The following GRM8 variants were observed in gnomAD, a reference collection of about 807,000 sequenced individuals.
GRM8 encodes the protein metabotropic glutamate receptor 8.
In GRM8, 47 loss-of-function variants were observed where a neutral mutation model predicts 87.2. The ratio of observed to expected loss-of-function variants is 0.54; its 90% confidence interval spans 0.43 to 0.69. The LOEUF (loss-of-function observed/expected upper bound fraction) is 0.69. Among genes scored for constraint, GRM8 ranks in the 30% least tolerant of loss-of-function variants. GRM8 has a pLI of 0.00. For synonymous variants in GRM8, 396 were observed against 404.5 expected, an observed-to-expected ratio of 0.98 and a Z score of 0.25; for missense variants, 1,019 against 1,139.2, an observed-to-expected ratio of 0.89 and a Z score of 1.52.
intron 7 of GRM8, among the ~76,000 whole-genome samples, chr7:126,620,526 T>C (rs1004811611): frequency 3.9e-5 from 6 of 152,096 alleles, no homozygotes; most frequent in South Asian, 2.1e-4. Flanking sequence ...TTTTCAAATG[T>C]TGGCTCTTTT....
chr7:126,769,853 G>T lies in GRM8; in HGVS notation c.1357+12C>A. ...TTTTAATGTATTTAGACACACACACGTTGTAACTTACCATTAAAATTTACA... is the reference window on the plus strand; with the variant it reads ...TTTTAATGTATTTAGACACACACACTTTGTAACTTACCATTAAAATTTACA... On this transcript the variant is annotated intron_variant, in intron 7 of 10. Transcript: ENST00000339582. The T allele has an allele frequency of 2.0e-6, 3 of 1,475,434 alleles. No homozygotes were observed. The highest frequency in any genetic ancestry group is 2.8e-6 in the Non-Finnish European group (3 of 1,064,376). The allele number at this position is 1,475,434 out of a possible 1,614,324, so 91.4% of individuals were successfully genotyped here.
At chr7:127,171,696 A>G (rs2116326300) in intron 2 of GRM8, among the ~76,000 whole-genome samples, 1 of 152,366 alleles carries the variant, frequency 6.6e-6, no homozygotes, top group South Asian at 2.1e-4. Flanking sequence ...TAGTGTAAAC[A>G]TAACTTTTAT....
intron 6 of GRM8, among the ~76,000 whole-genome samples, chr7:126,838,793 C>A (rs1563236693): frequency 6.6e-6 from 1 of 152,134 alleles, no homozygotes; most frequent in Non-Finnish European, 1.5e-5. Context: ...AATGTTAACT[C>A]ACGGCTCACA....
intron 7 of GRM8, among the ~76,000 whole-genome samples, chr7:126,753,179 G>A (rs1816617791): frequency 6.6e-6 from 1 of 151,922 alleles, no homozygotes; most frequent in Non-Finnish European, 1.5e-5. Context: ...TTGACTATCT[G>A]TGAGTCTTAA....
Position 126,902,698 on chromosome 7 carries a change from G to C in GRM8, c.1019-19C>G, listed in dbSNP as rs1329052776. ...TCAAATCCTATTTCAAAGGAGAAAG[G>C]TATGATTTTAATATTCTTTCAAAAT... On this transcript the variant is annotated intron_variant, in intron 5 of 10. Coordinates refer to ENST00000339582, the MANE Select transcript of GRM8 (RefSeq NM_000845.3). 6.5e-7 allele frequency: 1 copy of C among 1,529,970 alleles called. No individual in the cohort carries two copies. Among genetic ancestry groups the C allele is most frequent in the Non-Finnish European group, 8.9e-7 (1 of 1,125,534 alleles). 94.8% of individuals were successfully genotyped at this position (1,529,970 alleles called of 1,614,324 possible).
chr7:126,741,444 G>A (rs1814978149), intron 7 of GRM8, among the ~76,000 whole-genome samples: 1 of 152,132 alleles, frequency 6.6e-6, no homozygotes, highest in Admixed American at 6.6e-5. Context: ...ATTCAGAGAT[G>A]CACATGATAT....
At chr7:127,190,319 A>C (rs1230057712) in intron 2 of GRM8, among the ~76,000 whole-genome samples, 1 of 152,066 alleles carries the variant, frequency 6.6e-6, no homozygotes, top group Non-Finnish European at 1.5e-5. Context: ...GAGAATTGTT[A>C]ATATGTCCTG....
At chr7:126,720,315 A>T (rs972116325) in intron 7 of GRM8, among the ~76,000 whole-genome samples, 3 of 151,780 alleles carry the variant, frequency 2.0e-5, no homozygotes, top group East Asian at 1.9e-4. Context: ...ATAATTTTTT[A>T]AATTTTTTTT....
rs199524891 is a variant in GRM8 at position 126,902,638 on chromosome 7, G to T, written c.1060C>A (p.Arg354=). The T allele has an allele frequency of 1.2e-6, 2 of 1,609,070 alleles. No homozygotes were observed. Among genetic ancestry groups the T allele is most frequent in the African/African-American group, 1.3e-5 (1 of 74,890 alleles). The change falls in exon 6 of 11, where the codon CGA becomes AGA. Residue 354 remains arginine (R), a synonymous_variant. Coordinates refer to ENST00000339582, the MANE Select transcript of GRM8 (RefSeq NM_000845.3). ...YFRSRTLANN[R]RNVWFAEFWE... is the part of the protein sequence containing the mutation. ...AATTCTGCAAACCACACATTTCTTC[G>T]ATTATTGGCAAGAGTTCGGCTTCTA...
At chr7:126,881,573 T>G (rs1800023963) in intron 6 of GRM8, among the ~76,000 whole-genome samples, 2 of 152,140 alleles carry the variant, frequency 1.3e-5, no homozygotes. Context: ...GGAATAGTGT[T>G]GAGTGCATGG....
intron 1 of GRM8, among the ~76,000 whole-genome samples, 191 bp from the exon 2 acceptor site, chr7:127,243,706 G>A (rs1344266057): frequency 6.6e-6 from 1 of 152,168 alleles, no homozygotes; most frequent in Admixed American, 6.5e-5. Context: ...TATTTTTGGA[G>A]CAAGAGAAAC....
At chr7:126,597,983 T>C (rs538063336) in intron 8 of GRM8, among the ~76,000 whole-genome samples, 91 of 152,190 alleles carry the variant, frequency 6.0e-4, no homozygotes, top group African/African-American at 2.2e-3. Context: ...TTAACTATCA[T>C]CATCCTATAG....
At chr7:126,780,817 G>T (rs922628654) in intron 6 of GRM8, among the ~76,000 whole-genome samples, 7 of 152,250 alleles carry the variant, frequency 4.6e-5, no homozygotes, top group African/African-American at 1.7e-4. Context: ...GCCATCAAAA[G>T]GTAACATAAC....
At chr7:126,488,613 A>G (rs1467745372) in intron 9 of GRM8, among the ~76,000 whole-genome samples, 3 of 152,000 alleles carry the variant, frequency 2.0e-5, no homozygotes, top group Non-Finnish European at 4.4e-5. Flanking sequence ...TAAATCATTC[A>G]ATCTTCCAGG....
At chr7:127,223,482 C>T (rs1474790807) in intron 2 of GRM8, among the ~76,000 whole-genome samples, 3 of 138,382 alleles carry the variant, frequency 2.2e-5, no homozygotes, top group Admixed American at 2.1e-4. Flanking sequence ...CACACACACA[C>T]ACACAAAACT....
chr7:127,156,475 T>G (rs1486815901), intron 2 of GRM8, among the ~76,000 whole-genome samples: 1 of 152,166 alleles, frequency 6.6e-6, no homozygotes, highest in Non-Finnish European at 1.5e-5. Context: ...CAGTTTTACC[T>G]AAGAGCAGAG....
chr7:127,229,394 T>C (rs928604300), intron 2 of GRM8: 1 of 152,208 alleles, frequency 6.6e-6, no homozygotes. Context: ...TATTTTATTT[T>C]CAGCAAGGTT....
At chr7:126,885,587 C>T (rs1800416092) in intron 6 of GRM8, among the ~76,000 whole-genome samples, 1 of 152,096 alleles carries the variant, frequency 6.6e-6, no homozygotes, top group African/African-American at 2.4e-5. Context: ...GGCTTTTCAC[C>T]CCAGCAGTGG....
chr7:127,212,410 ATTTTTTTTTTTT>A (rs144077638), intron 2 of GRM8, among the ~76,000 whole-genome samples: 2 of 97,720 alleles, frequency 2.0e-5, no homozygotes, highest in Admixed American at 1.2e-4. Context: ...ACATGGTGTT[ATTTTTTTTTTTT>A]TTTTTTTTTT....
Sources: allele counts gnomAD v4.1 joint callset (sites outside exome capture counted in the v4.1 genomes callset), GRCh38; gene constraint gnomAD v4.1.1; transcripts MANE v1.5; gene names NCBI Gene and HGNC (gene_info 2026-07-23, HGNC 2026-07-21).